The following PTPRT variants were observed in gnomAD, a reference collection of about 807,000 sequenced individuals.
PTPRT encodes the protein receptor-type tyrosine-protein phosphatase T.
Under a neutral mutation model 176.8 loss-of-function variants are expected in PTPRT, and 56 were observed. The ratio of observed to expected loss-of-function variants is 0.32; its 90% CI spans 0.26 to 0.40. The LOEUF (loss-of-function observed/expected upper bound fraction) is 0.40, where lower values mean the gene tolerates loss of function less well. PTPRT is among the 10% of genes least tolerant of loss of function. The pLI is 1.00. For missense variants in PTPRT, 1,540 were observed against 1,908.2 expected (o/e 0.81, Z 3.60); for synonymous variants, 783 against 739.0 (o/e 1.06, Z -0.96).
At chr20:42,128,957 A>C in intron 18 of PTPRT, 127 bp from the exon 19 acceptor site, 2 of 631,868 alleles carry the variant, frequency 3.2e-6, no homozygotes, top group South Asian at 5.3e-5. Flanking sequence ...TTAACTCTCA[A>C]CACCACCCTC....
At chr20:42,350,473 TG>T (rs2058266807) in intron 11 of PTPRT, among the ~76,000 whole-genome samples, 154 bp downstream of exon 11, 1 of 152,182 alleles carries the variant, frequency 6.6e-6, no homozygotes, top group Non-Finnish European at 1.5e-5. Flanking sequence ...GGGCTCCCTT[TG>T]AACTGGGCTT....
intron 17 of PTPRT, among the ~76,000 whole-genome samples, chr20:42,147,113 T>C (rs539427890): frequency 4.4e-4 from 67 of 152,342 alleles, no homozygotes; most frequent in African/African-American, 1.6e-3. Context: ...GGTCATAGGC[T>C]TCTTCAAGGA....
chr20:42,047,795 G>T, the PTPRT span, among the ~76,000 whole-genome samples: 3 of 152,126 alleles, frequency 2.0e-5, no homozygotes, highest in Non-Finnish European at 2.9e-5. Context: ...ATAAACCCAT[G>T]GCTATTACCT....
At chr20:42,990,306 C>T (rs1336931280) in intron 1 of PTPRT, among the ~76,000 whole-genome samples, 2 of 151,762 alleles carry the variant, frequency 1.3e-5, no homozygotes, top group Non-Finnish European at 2.9e-5. Context: ...CGGTTGCCAA[C>T]CTCTGATTTA....
At chr20:42,288,978 C>T (rs2057276557) in intron 12 of PTPRT, among the ~76,000 whole-genome samples, 1 of 151,850 alleles carries the variant, frequency 6.6e-6, no homozygotes, top group African/African-American at 2.4e-5. Flanking sequence ...AGCCACACAC[C>T]TACAACCAAC....
intron 7 of PTPRT, among the ~76,000 whole-genome samples, chr20:42,539,267 A>G (rs763301365): frequency 7.9e-5 from 12 of 152,002 alleles, no homozygotes; most frequent in Non-Finnish European, 1.2e-4. Flanking sequence ...AAATATGCAG[A>G]TTGAATCACC....
chr20:42,947,225 A>T (rs1450307328), intron 1 of PTPRT, among the ~76,000 whole-genome samples: 1 of 152,192 alleles, frequency 6.6e-6, no homozygotes, highest in South Asian at 2.1e-4. Context: ...AGAGATAAAG[A>T]AATTTGGAAT....
chr20:43,118,514 A>G (rs1600725313), intron 1 of PTPRT, among the ~76,000 whole-genome samples: 1 of 152,044 alleles, frequency 6.6e-6, no homozygotes, highest in Non-Finnish European at 1.5e-5. Context: ...ATCTTGGCTC[A>G]CTGCAACCTC....
chr20:42,791,993 T>C (rs2077383000), intron 2 of PTPRT, among the ~76,000 whole-genome samples: 1 of 152,204 alleles, frequency 6.6e-6, no homozygotes, highest in Admixed American at 6.5e-5. Flanking sequence ...GTCAATAGGA[T>C]GCTAACAGAA....
At chr20:43,008,147 T>C (rs1344770514) in intron 1 of PTPRT, among the ~76,000 whole-genome samples, 2 of 152,226 alleles carry the variant, frequency 1.3e-5, no homozygotes, top group African/African-American at 4.8e-5. Context: ...TAGGTTGAAA[T>C]TCTAACCCCA....
At chr20:42,257,164 G>A (rs996850699) in intron 13 of PTPRT, among the ~76,000 whole-genome samples, 5 of 152,126 alleles carry the variant, frequency 3.3e-5, no homozygotes, top group African/African-American at 1.2e-4. Context: ...TGCCACTTTC[G>A]AGGGGTGTGT....
At chr20:42,168,017 T>C (rs937286841) in intron 16 of PTPRT, among the ~76,000 whole-genome samples, 3 of 152,208 alleles carry the variant, frequency 2.0e-5, no homozygotes, top group African/African-American at 7.2e-5. Flanking sequence ...GTGTTATATA[T>C]TGTATTCCTA....
chr20:42,110,790 C>T (rs1986942093), intron 22 of PTPRT, among the ~76,000 whole-genome samples: 1 of 133,646 alleles, frequency 7.5e-6, no homozygotes, highest in Non-Finnish European at 1.6e-5. Context: ...TTTTGTTTGC[C>T]TAGGGGATCG....
intron 2 of PTPRT, among the ~76,000 whole-genome samples, chr20:42,828,525 C>T (rs1239809137): frequency 2.0e-5 from 3 of 152,206 alleles, no homozygotes; most frequent in South Asian, 4.1e-4. Context: ...CTCCAGGGCA[C>T]GTGAAAGACC....
intron 14 of PTPRT, among the ~76,000 whole-genome samples, chr20:42,243,256 G>A (rs766212936): frequency 6.6e-5 from 10 of 152,230 alleles, no homozygotes; most frequent in South Asian, 2.1e-4. Context: ...CTTTGACTAC[G>A]AAATACCTGA....
rs529883269 is a variant in PTPRT at position 42,274,536 on chromosome 20, AGTGTGTGTGTGTGT to A, written c.2176+7939_2176+7952del. Among the ~76,000 whole-genome samples, 1,114 of 113,328 alleles carry A rather than the reference AGTGTGTGTGTGTGT, an allele frequency of 9.8e-3. 10 individuals are homozygous for A. Among genetic ancestry groups the A allele is most frequent in the Non-Finnish European group, 0.013 (783 of 58,068 alleles). The allele number at this position is 113,328 out of a possible 152,430, so 74.3% of individuals were successfully genotyped here. Reference sequence around the variant, plus strand: ...TCTTTACTGTTTCCAGGCCCTGTACAGTGTGTGTGTGTGTGTGTGTGTGTGTGTGTGTGTGTGTG... The same window carrying A: ...TCTTTACTGTTTCCAGGCCCTGTACAGTGTGTGTGTGTGTGTGTGTGTGTG... On this transcript the variant is annotated intron_variant, in intron 13 of 30. Coordinates refer to ENST00000373187, the MANE Select transcript of PTPRT (RefSeq NM_007050.6).
intron 6 of PTPRT, among the ~76,000 whole-genome samples, chr20:42,726,918 G>C (rs757258283): frequency 1.3e-5 from 2 of 152,172 alleles, no homozygotes; most frequent in Non-Finnish European, 2.9e-5. Flanking sequence ...CATTCATCCT[G>C]CTGAGATTTT....
chr20:42,067,322 C>T, the PTPRT span, among the ~76,000 whole-genome samples: 9 of 152,274 alleles, frequency 5.9e-5, no homozygotes, highest in Admixed American at 2.6e-4. Context: ...TTGGCTGGAA[C>T]GCACGCCCCC....
At chr20:42,263,629 T>G (rs1487893691) in intron 13 of PTPRT, among the ~76,000 whole-genome samples, 2 of 151,680 alleles carry the variant, frequency 1.3e-5, no homozygotes, top group African/African-American at 4.8e-5. Context: ...TCCGCCCACC[T>G]TGGCCTCCCA....
Sources: gnomAD v4.1 joint callset for allele counts (sites outside exome capture counted in the v4.1 genomes callset) on GRCh38, gnomAD v4.1.1 for gene constraint, MANE v1.5 for transcripts, NCBI Gene and HGNC (gene_info 2026-07-23, HGNC 2026-07-21) for gene names.